The following SLC8A3 variants were observed in gnomAD, a reference collection of about 807,000 sequenced individuals.
The protein encoded by SLC8A3 is sodium/calcium exchanger 3.
In SLC8A3, 37 loss-of-function variants were observed where a neutral mutation model predicts 65.4. The ratio of observed to expected loss-of-function variants is 0.57; its 90% confidence interval spans 0.44 to 0.74. The LOEUF is 0.74. Ranked by LOEUF, SLC8A3 falls within the 30% of genes least tolerant of loss-of-function variation. The pLI is 0.00. For synonymous variants in SLC8A3, 461 were observed against 444.5 expected (o/e 1.04, Z -0.47); for missense variants, 1,112 against 1,172.1 (o/e 0.95, Z 0.75).
intron 1 of SLC8A3, among the ~76,000 whole-genome samples, chr14:70,172,033 G>T (rs1327428342): frequency 2.6e-5 from 4 of 152,118 alleles, no homozygotes; most frequent in Non-Finnish European, 4.4e-5. Flanking sequence ...AATTGAGATA[G>T]ATCCCAACAT....
intron 2 of SLC8A3, chr14:70,063,741 G>T: frequency 1.3e-6 from 1 of 760,608 alleles, no homozygotes; most frequent in Non-Finnish European, 2.3e-6. Flanking sequence ...ACAAGAGGAG[G>T]AGGAGACAAA....
intron 6 of SLC8A3, chr14:70,047,447 G>A: frequency 6.6e-6 from 1 of 152,080 alleles, no homozygotes; most frequent in East Asian, 1.9e-4. Flanking sequence ...CCAAGGCTTG[G>A]AGAACAGAGA....
intron 5 of SLC8A3, among the ~76,000 whole-genome samples, chr14:70,049,884 G>T (rs1887278338): frequency 6.6e-6 from 1 of 152,234 alleles, no homozygotes; most frequent in Admixed American, 6.5e-5. Flanking sequence ...AAAGCAGGAT[G>T]GGCCTTGATT....
At position 70,109,453 on chromosome 14, in the gene SLC8A3, G is replaced by GTATA. The variant is rs3078221; in HGVS notation, c.1785-48518_1785-48515dup. On this transcript the variant is annotated intron_variant, in intron 2 of 6. Coordinates refer to ENST00000356921, the MANE Select transcript of SLC8A3 (RefSeq NM_182932.3). ...TATATACATGTATATGTACGTGTGT[G>GTATA]TATATATATATATATATATAAAACA... 4.4e-4 allele frequency among the ~76,000 whole-genome samples: 64 copies of GTATA among 146,606 alleles called. 1 individual carries two copies. The highest frequency in any genetic ancestry group is 3.6e-3 in the Middle Eastern group (1 of 280).
At chr14:70,172,524 AC>A (rs1461531340) in intron 1 of SLC8A3, among the ~76,000 whole-genome samples, 1 of 152,136 alleles carries the variant, frequency 6.6e-6, no homozygotes, top group Non-Finnish European at 1.5e-5. Flanking sequence ...GGAGAAACTT[AC>A]TGTTTCGATG....
At chr14:70,161,079 CT>C (rs1391174882) in intron 2 of SLC8A3, among the ~76,000 whole-genome samples, 1 of 142,042 alleles carries the variant, frequency 7.0e-6, no homozygotes, top group African/African-American at 2.6e-5. Flanking sequence ...CCCATCTCTA[CT>C]AAAAAAAAAA....
At chr14:70,087,827 A>C (rs1349566105) in intron 2 of SLC8A3, among the ~76,000 whole-genome samples, 2 of 152,232 alleles carry the variant, frequency 1.3e-5, no homozygotes, top group African/African-American at 4.8e-5. Context: ...CCCATGTTAA[A>C]CAGGAAATTA....
chr14:70,145,537 G>A (rs1037600630), intron 2 of SLC8A3, among the ~76,000 whole-genome samples: 2 of 152,306 alleles, frequency 1.3e-5, no homozygotes, highest in Middle Eastern at 3.4e-3. Context: ...CTGCCCTGTT[G>A]TATCAGCTAC....
intron 2 of SLC8A3, among the ~76,000 whole-genome samples, chr14:70,063,206 G>T (rs552401820): frequency 1.3e-5 from 2 of 152,198 alleles, no homozygotes; most frequent in Non-Finnish European, 2.9e-5. Flanking sequence ...CCTAGATCTG[G>T]AACTCAAACC....
intron 2 of SLC8A3, among the ~76,000 whole-genome samples, chr14:70,144,488 G>A (rs563388810): frequency 2.0e-5 from 3 of 151,754 alleles, no homozygotes; most frequent in African/African-American, 4.8e-5. Context: ...AAATCAGCTG[G>A]GTATGGTGGC....
intron 2 of SLC8A3, among the ~76,000 whole-genome samples, chr14:70,164,150 A>G (rs1439098460): frequency 6.6e-6 from 1 of 152,196 alleles, no homozygotes; most frequent in Non-Finnish European, 1.5e-5. Context: ...TGGCCCTGCA[A>G]GAGAGATATT....
chr14:70,069,702 C>T (rs1452776742), intron 2 of SLC8A3, among the ~76,000 whole-genome samples: 1 of 152,196 alleles, frequency 6.6e-6, no homozygotes, highest in East Asian at 1.9e-4. Context: ...ACTGATATTT[C>T]CCTGACCCCT....
At chr14:70,097,296 A>AC (rs1892248445) in intron 2 of SLC8A3, among the ~76,000 whole-genome samples, 1 of 152,124 alleles carries the variant, frequency 6.6e-6, no homozygotes, top group South Asian at 2.1e-4. Flanking sequence ...TAAAAAAAAA[A>AC]AAAAAACACC....
chr14:70,185,478 C>A (rs144779803), intron 1 of SLC8A3, among the ~76,000 whole-genome samples: 55 of 152,334 alleles, frequency 3.6e-4, no homozygotes, highest in African/African-American at 1.3e-3. Context: ...GGCAAGAGGA[C>A]AACCTATCGG....
At chr14:70,121,011 C>A (rs145929696) in intron 2 of SLC8A3, among the ~76,000 whole-genome samples, 206 of 152,262 alleles carry the variant, frequency 1.4e-3, no homozygotes, top group Middle Eastern at 3.4e-3. Flanking sequence ...ATAAGGACTA[C>A]TTCACAAAGC....
chr14:70,162,838 T>G (rs1322523747), intron 2 of SLC8A3, among the ~76,000 whole-genome samples: 1 of 152,234 alleles, frequency 6.6e-6, no homozygotes, highest in Non-Finnish European at 1.5e-5. Context: ...GTAATATGGA[T>G]GTAAATTAAT....
chr14:70,070,047 G>C (rs1288674382), intron 2 of SLC8A3, among the ~76,000 whole-genome samples: 1 of 150,236 alleles, frequency 6.7e-6, no homozygotes, highest in East Asian at 1.9e-4. Flanking sequence ...AGTCAAGGAT[G>C]GGGGGCTGGA....
intron 2 of SLC8A3, among the ~76,000 whole-genome samples, chr14:70,093,932 C>A (rs7160677): frequency 0.9 from 136,641 of 152,220 alleles, 61,510 homozygotes; most frequent in East Asian, 1. Flanking sequence ...CTGTTCCCTC[C>A]CAGGCTCCCA....
At chr14:70,085,609 C>T (rs6573924) in intron 2 of SLC8A3, among the ~76,000 whole-genome samples, 43,937 of 152,054 alleles carry the variant, frequency 0.29, 6,450 homozygotes, top group East Asian at 0.43. Flanking sequence ...GATGCCAACA[C>T]TATGCAGAGA....
Sources: gnomAD v4.1 joint callset for allele counts (sites outside exome capture counted in the v4.1 genomes callset) on GRCh38, gnomAD v4.1.1 for gene constraint, MANE v1.5 for transcripts, NCBI Gene and HGNC (gene_info 2026-07-23, HGNC 2026-07-21) for gene names.